Variants in KIAA1328 observed in about 807,000 individuals in gnomAD.
KIAA1328 encodes the protein KIAA1328.
A neutral mutation model predicts 68.1 loss-of-function variants in KIAA1328; 52 were observed. The ratio of observed to expected loss-of-function variants is 0.76; its 90% confidence interval spans 0.61 to 0.96. KIAA1328 has a LOEUF of 0.96. KIAA1328 is among the 40% of genes least tolerant of loss of function. KIAA1328 has a pLI of 0.00. For missense variants in KIAA1328, 641 were observed against 677.6 expected, an observed-to-expected ratio of 0.95 and a Z score of 0.60; for synonymous variants, 232 against 239.4, an observed-to-expected ratio of 0.97 and a Z score of 0.28.
At chr18:37,051,924 C>G (rs1881976331) in intron 6 of KIAA1328, among the ~76,000 whole-genome samples, 1 of 152,050 alleles carries the variant, frequency 6.6e-6, no homozygotes, top group Admixed American at 6.6e-5. Context: ...TGCCTCTAAT[C>G]CCAGCTATTT....
intron 5 of KIAA1328, among the ~76,000 whole-genome samples, chr18:36,913,700 T>C (rs2049567088): frequency 6.6e-6 from 1 of 152,200 alleles, no homozygotes; most frequent in Non-Finnish European, 1.5e-5. Context: ...AAAATCTTTT[T>C]TCCTTTACCT....
chr18:36,991,149 A>T (rs2053161373), intron 6 of KIAA1328, among the ~76,000 whole-genome samples: 1 of 152,208 alleles, frequency 6.6e-6, no homozygotes, highest in Non-Finnish European at 1.5e-5. Context: ...CATAACCCTT[A>T]TGATTTTTAC....
chr18:36,839,266 G>C (rs529599159), intron 3 of KIAA1328, among the ~76,000 whole-genome samples: 3 of 151,782 alleles, frequency 2.0e-5, no homozygotes, highest in Admixed American at 6.6e-5. Flanking sequence ...AAATTTTTTT[G>C]TTTATCCTTG....
chr18:37,034,250 CA>C (rs2054942999), intron 6 of KIAA1328, among the ~76,000 whole-genome samples: 2 of 151,604 alleles, frequency 1.3e-5, no homozygotes, highest in South Asian at 2.1e-4. Flanking sequence ...AGTTGTAATA[CA>C]AAAAAAGGTA....
chr18:36,943,111 T>C (rs2050771521), intron 5 of KIAA1328, among the ~76,000 whole-genome samples: 2 of 152,146 alleles, frequency 1.3e-5, no homozygotes. Flanking sequence ...CTGGGCAGAG[T>C]GCCTTCCTTG....
chr18:36,978,220 C>A (rs2052547832), intron 6 of KIAA1328, among the ~76,000 whole-genome samples: 1 of 152,184 alleles, frequency 6.6e-6, no homozygotes, highest in Admixed American at 6.5e-5. Flanking sequence ...CTGACAACTA[C>A]TGTGAAATGT....
chr18:36,879,902 G>A (rs1212876101), intron 4 of KIAA1328, among the ~76,000 whole-genome samples: 1 of 152,160 alleles, frequency 6.6e-6, no homozygotes, highest in African/African-American at 2.4e-5. Flanking sequence ...AGAGTCCCAG[G>A]TTGACTTCAG....
chr18:37,111,681 A>G (rs2151904009), intron 7 of KIAA1328, among the ~76,000 whole-genome samples: 1 of 152,326 alleles, frequency 6.6e-6, no homozygotes, highest in East Asian at 1.9e-4. Context: ...CTTGTCAGAC[A>G]GTGGGTGTAG....
chr18:36,905,268 T>C (rs2049178343), intron 5 of KIAA1328, among the ~76,000 whole-genome samples: 2 of 151,846 alleles, frequency 1.3e-5, no homozygotes, highest in Non-Finnish European at 2.9e-5. Flanking sequence ...TACACCACCA[T>C]GGCATGGCTA....
At chr18:36,844,591 G>T (rs887043015) in intron 4 of KIAA1328, among the ~76,000 whole-genome samples, 15 of 152,096 alleles carry the variant, frequency 9.9e-5, no homozygotes, top group African/African-American at 3.4e-4. Flanking sequence ...AGAAACTACT[G>T]TTGAAGTAGG....
chr18:36,896,962 T>C (rs1026623391), intron 5 of KIAA1328, among the ~76,000 whole-genome samples: 1 of 152,130 alleles, frequency 6.6e-6, no homozygotes, highest in Non-Finnish European at 1.5e-5. Flanking sequence ...GGCCTTAACT[T>C]ATGAATAAAT....
chr18:37,029,963 C>G (rs2151575823), intron 6 of KIAA1328, among the ~76,000 whole-genome samples: 1 of 152,240 alleles, frequency 6.6e-6, no homozygotes, highest in African/African-American at 2.4e-5. Context: ...AGGAATTTGT[C>G]CATTTCATTT....
At chr18:37,099,172 G>T (rs1727855156) in intron 7 of KIAA1328, among the ~76,000 whole-genome samples, 1 of 152,150 alleles carries the variant, frequency 6.6e-6, no homozygotes, top group African/African-American at 2.4e-5. Flanking sequence ...ATGTTAGGAT[G>T]TCAATTTTAG....
At chr18:37,097,126 G>A (rs1395028064) in intron 7 of KIAA1328, among the ~76,000 whole-genome samples, 1 of 152,202 alleles carries the variant, frequency 6.6e-6, no homozygotes, top group African/African-American at 2.4e-5. Context: ...TGCTTTTGGT[G>A]TTTTAGACAT....
chr18:37,046,934 C>T (rs2055494992), intron 6 of KIAA1328, among the ~76,000 whole-genome samples: 6 of 152,156 alleles, frequency 3.9e-5, no homozygotes, highest in Admixed American at 6.5e-5. Flanking sequence ...AGTTCGAGAC[C>T]GGCATGGCCA....
At chr18:36,929,787 A>G (rs923628424) in intron 5 of KIAA1328, among the ~76,000 whole-genome samples, 7 of 152,194 alleles carry the variant, frequency 4.6e-5, no homozygotes, top group Middle Eastern at 3.4e-3. Flanking sequence ...TCCTCACCAG[A>G]ACCCAACCAT....
chr18:36,877,502 T>G (rs114509351), intron 4 of KIAA1328, among the ~76,000 whole-genome samples: 2,330 of 145,854 alleles, frequency 0.016, 51 homozygotes, highest in African/African-American at 0.058. Flanking sequence ...CCCTGGTGGG[T>G]TTTTTTTGTT....
chr18:37,222,881 G>A lies in KIAA1328; in HGVS notation c.*654G>A. The A allele has an allele frequency of 2.0e-6, 2 of 987,604 alleles. No individual in the cohort carries two copies. The highest frequency in any genetic ancestry group is 2.4e-6 in the Non-Finnish European group (2 of 831,552). 61.2% of individuals were successfully genotyped at this position (987,604 alleles called of 1,614,324 possible). A position where few individuals can be genotyped will look rare whatever the true frequency, so the allele number is the denominator to read the frequency against. On this transcript the variant is annotated 3_prime_UTR_variant, in exon 10 of 10. Transcript: ENST00000280020. The stretch of plus-strand genomic sequence containing the variant: ...AGACCCAGCCAATCCTTGGGAGCAA[G>A]CAGCACTAAATCACATCAGGGAGTG...
intron 7 of KIAA1328, among the ~76,000 whole-genome samples, chr18:37,149,160 C>G (rs2058972668): frequency 6.6e-6 from 1 of 152,140 alleles, no homozygotes; most frequent in African/African-American, 2.4e-5. Flanking sequence ...TATCACGCTA[C>G]TGTACTTCAA....
Sources: allele counts gnomAD v4.1 joint callset (sites outside exome capture counted in the v4.1 genomes callset), GRCh38; gene constraint gnomAD v4.1.1; transcripts MANE v1.5; gene names NCBI Gene and HGNC (gene_info 2026-07-23, HGNC 2026-07-21).